The following ZNF608 variants were observed in gnomAD, a reference collection of about 807,000 sequenced individuals.
The protein encoded by ZNF608 is renal carcinoma antigen NY-REN-36.
In ZNF608, 12 loss-of-function variants were observed where a neutral mutation model predicts 109.0. The observed-to-expected ratio is 0.11, with a 90% CI of 0.07 to 0.18. The LOEUF is 0.18. ZNF608 is among the 10% of genes least tolerant of loss of function. The probability of loss-of-function intolerance (pLI) is 1.00; values close to 1 mark genes in which losing one functional copy is unlikely to be tolerated. For synonymous variants in ZNF608, 732 were observed against 717.4 expected, an observed-to-expected ratio of 1.02 and a Z score of -0.33; for missense variants, 1,707 against 1,879.3, an observed-to-expected ratio of 0.91 and a Z score of 1.70.
In ZNF608 at chr5:124,643,547, C is replaced by T; in HGVS notation, c.4260G>A (p.Gln1420=). The T allele has an allele frequency of 6.2e-7, 1 of 1,614,176 alleles. No individual in the cohort carries two copies. Among genetic ancestry groups the T allele is most frequent in the African/African-American group, 1.3e-5 (1 of 75,042 alleles). The change falls in exon 7 of 10, where the codon CAG becomes CAA. Residue 1420 remains glutamine, a synonymous_variant. Coordinates refer to ENST00000513986, the MANE Select transcript of ZNF608 (RefSeq NM_020747.3). Reference sequence around the variant, plus strand: ...TGCTGCGGTATTGGTTAGCATGCTGCTGGAGCAAATCCAGTGCTTTAGATT... The same window carrying T: ...TGCTGCGGTATTGGTTAGCATGCTGTTGGAGCAAATCCAGTGCTTTAGATT... The part of the protein sequence containing the change: ...TTESKALDLL[Q]QHANQYRSKS...
intron 3 of ZNF608, among the ~76,000 whole-genome samples, chr5:124,697,649 A>G (rs1337764355): frequency 6.6e-6 from 1 of 152,206 alleles, no homozygotes; most frequent in African/African-American, 2.4e-5. Flanking sequence ...ATTCCTGAGC[A>G]CAACTTGGTT....
chr5:124,740,770 A>G (rs1306541202), intron 2 of ZNF608, among the ~76,000 whole-genome samples: 1 of 152,246 alleles, frequency 6.6e-6, no homozygotes, highest in African/African-American at 2.4e-5. Context: ...TTGAGACACA[A>G]CTATATGACC....
chr5:124,643,442 T>C (rs1303297753), intron 7 of ZNF608, 69 bp downstream of exon 7: 4 of 1,480,860 alleles, frequency 2.7e-6, no homozygotes, highest in East Asian at 2.3e-5. Context: ...ATTTCAAGAC[T>C]GTTCTCTAGC....
intron 7 of ZNF608, 48 bp from the exon 8 acceptor site, chr5:124,641,453 C>T (rs1329204542): frequency 3.8e-6 from 6 of 1,562,478 alleles, no homozygotes; most frequent in Non-Finnish European, 4.3e-6. Flanking sequence ...TGAAAATCAA[C>T]TTTTAAGAGT....
At chr5:124,660,983 T>C (rs1462141793) in intron 3 of ZNF608, among the ~76,000 whole-genome samples, 5 of 152,196 alleles carry the variant, frequency 3.3e-5, no homozygotes, top group African/African-American at 1.2e-4. Context: ...AGGCTTACTA[T>C]AAATGTGGCC....
At chr5:124,741,120 T>G (rs2149904147) in intron 2 of ZNF608, among the ~76,000 whole-genome samples, 1 of 152,288 alleles carries the variant, frequency 6.6e-6, no homozygotes, top group African/African-American at 2.4e-5. Flanking sequence ...TACAGAAATA[T>G]AGCTCAAACA....
chr5:124,747,570 G>T (rs1413215367), upstream of ZNF608, among the ~76,000 whole-genome samples: 4 of 150,424 alleles, frequency 2.7e-5, no homozygotes, highest in Non-Finnish European at 4.4e-5. Context: ...TACTGATCTG[G>T]TCTTTAAAAA....
chr5:124,746,344 A>C lies in ZNF608; in HGVS notation c.-333T>G, dbSNP rs4568360. The C allele has an allele frequency of 0.15, 145,731 of 985,000 alleles. 11,326 individuals are homozygous for C. The highest frequency in any genetic ancestry group is 0.22 in the South Asian group (4,716 of 21,268). The allele number at this position is 985,000 out of a possible 1,614,324, so 61.0% of individuals were successfully genotyped here. ...ATAACACATCTCAGCCAGAATAATCACTCGATAACATTATTCCACCTCCCC... is the reference window on the plus strand; with the variant it reads ...ATAACACATCTCAGCCAGAATAATCCCTCGATAACATTATTCCACCTCCCC... On this transcript the variant is annotated 5_prime_UTR_variant, in exon 1 of 10. Transcript: ENST00000513986.
chr5:124,705,777 T>C (rs1235431272), intron 2 of ZNF608, among the ~76,000 whole-genome samples: 4 of 152,368 alleles, frequency 2.6e-5, no homozygotes, highest in African/African-American at 7.2e-5. Context: ...TTTATGGCAA[T>C]GATGGGATCA....
intron 2 of ZNF608, among the ~76,000 whole-genome samples, chr5:124,720,547 T>A (rs892502399): frequency 2.0e-5 from 3 of 152,228 alleles, no homozygotes; most frequent in African/African-American, 4.8e-5. Flanking sequence ...ATAGCTTCAA[T>A]CTGTTAAATG....
intron 3 of ZNF608, among the ~76,000 whole-genome samples, chr5:124,653,846 A>C (rs1215233468): frequency 6.6e-6 from 1 of 152,206 alleles, no homozygotes; most frequent in Admixed American, 6.5e-5. Flanking sequence ...ATGATGGGCC[A>C]AAGTTCCAAG....
At position 124,746,373 on chromosome 5, in the gene ZNF608, C is replaced by T. The variant is rs759948256; in HGVS notation, c.-362G>A. 1.3e-5 allele frequency: 13 copies of T among 985,208 alleles called. No individual in the cohort carries two copies. Among genetic ancestry groups the T allele is most frequent in the Non-Finnish European group, 1.3e-5 (11 of 829,914 alleles). The allele number at this position is 985,208 out of a possible 1,614,324, so 61.0% of individuals were successfully genotyped here. On this transcript the variant is annotated 5_prime_UTR_variant, in exon 1 of 10. Transcript: ENST00000513986. ...GATAACATTATTCCACCTCCCCACC[C>T]CCCTTTTGGCAAACGAATCAGTCCT...
At chr5:124,641,014 G>A (rs1750211743) in intron 8 of ZNF608, among the ~76,000 whole-genome samples, 3 of 152,192 alleles carry the variant, frequency 2.0e-5, no homozygotes, top group Admixed American at 2.0e-4. Context: ...TGAGATAACA[G>A]TAAGCTGCCG....
In ZNF608 at chr5:124,647,274, T is replaced by C. The variant is rs765298837; in HGVS notation, c.3110A>G (p.Asp1037Gly). 3.1e-6 allele frequency: 5 copies of C among 1,614,134 alleles called. No individual in the cohort carries two copies. Among genetic ancestry groups the C allele is most frequent in the East Asian group, 4.5e-5 (2 of 44,894 alleles). The change falls in exon 5 of 10, where the codon GAT (aspartate) becomes GGT (glycine). Residue 1037 changes from aspartate (D) to glycine (G), a missense_variant. Physicochemically the swap from Asp to Gly is moderately conservative, Grantham distance 94. Transcript: ENST00000513986. Reference sequence around the variant, plus strand: ...CTCTGCCTTGTCTTTCTTTTCAGCATCTTCCTCAGACTCCTTCTTGATCTT... The same window carrying C: ...CTCTGCCTTGTCTTTCTTTTCAGCACCTTCCTCAGACTCCTTCTTGATCTT... The part of the protein sequence containing the change: ...GMKIKKESEE[D>G]AEKKDKAEQL...
chr5:124,703,646 T>G (rs1753145739), intron 2 of ZNF608, among the ~76,000 whole-genome samples: 2 of 151,900 alleles, frequency 1.3e-5, no homozygotes, highest in African/African-American at 4.8e-5. Flanking sequence ...GGCATGCGAG[T>G]AGTCCCAGAT....
At chr5:124,675,547 C>T (rs1432722894) in intron 3 of ZNF608, among the ~76,000 whole-genome samples, 2 of 152,076 alleles carry the variant, frequency 1.3e-5, no homozygotes, top group Non-Finnish European at 2.9e-5. Context: ...AATATTGTAT[C>T]CGTTAATATT....
At chr5:124,713,802 T>C (rs1286167887) in intron 2 of ZNF608, among the ~76,000 whole-genome samples, 2 of 152,152 alleles carry the variant, frequency 1.3e-5, no homozygotes, top group Non-Finnish European at 2.9e-5. Context: ...AACAGTATGT[T>C]GGAACAGGGC....
intron 2 of ZNF608, among the ~76,000 whole-genome samples, chr5:124,715,344 G>A (rs147268289): frequency 1.1e-4 from 16 of 152,252 alleles, no homozygotes; most frequent in African/African-American, 3.6e-4. Flanking sequence ...TTGGCATCAC[G>A]TTTCCAGAAT....
chr5:124,697,578 T>C (rs1752900793), intron 3 of ZNF608, among the ~76,000 whole-genome samples: 1 of 152,230 alleles, frequency 6.6e-6, no homozygotes, highest in South Asian at 2.1e-4. Flanking sequence ...TTTTCTCTCC[T>C]ATTAGGCATG....
Sources: allele counts gnomAD v4.1 joint callset (sites outside exome capture counted in the v4.1 genomes callset), GRCh38; gene constraint gnomAD v4.1.1; transcripts MANE v1.5; gene names NCBI Gene and HGNC (gene_info 2026-07-23, HGNC 2026-07-21).